The following HIRA variants were observed in gnomAD, a reference collection of about 807,000 sequenced individuals.
The protein encoded by HIRA is protein HIRA.
HIRA carries 13 observed loss-of-function variants against 126.6 expected under a neutral mutation model. The observed-to-expected ratio is 0.10, with a 90% CI of 0.07 to 0.16. The LOEUF (loss-of-function observed/expected upper bound fraction) is 0.16, where lower values mean the gene tolerates loss of function less well. Among genes scored for constraint, HIRA ranks in the 10% least tolerant of loss-of-function variants. The pLI, the probability that HIRA is intolerant of heterozygous loss-of-function variation, is 1.00. For missense variants in HIRA, 834 were observed against 1,314.4 expected, an observed-to-expected ratio of 0.63 and a Z score of 5.65; for synonymous variants, 511 against 520.0, an observed-to-expected ratio of 0.98 and a Z score of 0.24.
intron 1 of HIRA, chr22:19,430,036 T>C (rs2089518900): frequency 6.6e-6 from 1 of 152,248 alleles, no homozygotes; most frequent in Non-Finnish European, 1.5e-5. Flanking sequence ...TCGGCTTTCA[T>C]GCACAGTAAA....
intron 15 of HIRA, among the ~76,000 whole-genome samples, chr22:19,363,459 A>T (rs1168063706): frequency 1.3e-5 from 2 of 151,988 alleles, no homozygotes; most frequent in East Asian, 1.9e-4. Context: ...AAAAATAAGT[A>T]AATAAATAAA....
In HIRA at chr22:19,337,550, T is replaced by C. The variant is rs377447445; in HGVS notation, c.2938-5994A>G. 2.0e-5 allele frequency among the ~76,000 whole-genome samples: 3 copies of C among 152,192 alleles called. No homozygotes were observed. The South Asian group carries it at 6.2e-4, about 31-fold the overall frequency. On this transcript the variant is annotated intron_variant, in intron 24 of 24. Transcript: ENST00000263208. ...ACCTAAGAGTAAGAATAAATGGTGT[T>C]CCTAAGAAGAGAAATCTAAAAGTCT...
chr22:19,418,781 T>G (rs1399293222), intron 1 of HIRA, among the ~76,000 whole-genome samples: 1 of 152,092 alleles, frequency 6.6e-6, no homozygotes, highest in East Asian at 1.9e-4. Context: ...GGGAAATAAA[T>G]TTTAAAAAAT....
chr22:19,378,276 C>A (rs901567931), intron 13 of HIRA, among the ~76,000 whole-genome samples: 1 of 152,162 alleles, frequency 6.6e-6, no homozygotes. Flanking sequence ...ATATGTACTA[C>A]TAAGAAAGAA....
chr22:19,355,665 G>C (rs1355173323), intron 21 of HIRA, 95 bp downstream of exon 21: 1 of 828,068 alleles, frequency 1.2e-6, no homozygotes, highest in Non-Finnish European at 2.0e-6. Flanking sequence ...GGAAAAGCAG[G>C]GCTAGGCAGC....
rs565003272 is a variant in HIRA at position 19,335,854 on chromosome 22, T to A, written c.2938-4298A>T. Among the ~76,000 whole-genome samples, 141 of 152,346 alleles carry A rather than the reference T, an allele frequency of 9.3e-4. 1 individual carries two copies. Among genetic ancestry groups the A allele is most frequent in the Non-Finnish European group, 1.9e-3 (128 of 68,030 alleles). ...CCATATAAATTGTTGAATTAGCTTG[T>A]CAAGTTTCATTGAAACCTCTAGTGG... On this transcript the variant is annotated intron_variant, in intron 24 of 24. Coordinates refer to ENST00000263208, the MANE Select transcript of HIRA (RefSeq NM_003325.4).
chr22:19,351,196 G>C lies in HIRA; in HGVS notation c.2937+162C>G. 1 of 985,386 alleles carries C rather than the reference G, an allele frequency of 1.0e-6. No individual in the cohort carries two copies. 61.0% of individuals were successfully genotyped at this position (985,386 alleles called of 1,614,324 possible). A position where few individuals can be genotyped will look rare whatever the true frequency, so the allele number is the denominator to read the frequency against. On this transcript the variant is annotated intron_variant, in intron 24 of 24. Transcript: ENST00000263208. The surrounding 1 kb of genome is among the most constrained non-coding windows in gnomAD (Gnocchi z 4.8). ...GGCCCAGCTCCTGCCAGGTTGTGGAGGGCCGTCGGCATGTCACCCTCTCAC... is the reference window on the plus strand; with the variant it reads ...GGCCCAGCTCCTGCCAGGTTGTGGACGGCCGTCGGCATGTCACCCTCTCAC...
At chr22:19,390,601 CAAAAAAA>C (rs575050947) in intron 9 of HIRA, among the ~76,000 whole-genome samples, 118 of 38,344 alleles carry the variant, frequency 3.1e-3, no homozygotes, top group African/African-American at 6.4e-3. Context: ...GACTCTGTCT[CAAAAAAA>C]AAAAAAAAAA....
intron 24 of HIRA, among the ~76,000 whole-genome samples, chr22:19,332,042 A>C (rs1556004789): frequency 6.6e-6 from 1 of 152,218 alleles, no homozygotes; most frequent in Non-Finnish European, 1.5e-5. Flanking sequence ...CCTGATGTGG[A>C]GGATGTTCGG....
rs569412571 is a variant in HIRA, at chr22:19,360,217, A to C, written c.2086-733T>G. ...GCCGAGGGCTGACTGCCCCCTTCAC[A>C]GACCCAGAAATGACAGTCCCAAGCA... is the stretch of plus-strand genomic sequence containing the variant. On this transcript the variant is annotated intron_variant, in intron 17 of 24. Coordinates refer to ENST00000263208, the MANE Select transcript of HIRA (RefSeq NM_003325.4). Among the ~76,000 whole-genome samples, 236 of 152,196 alleles carry C rather than the reference A, an allele frequency of 1.6e-3. 1 individual carries two copies. The highest frequency in any genetic ancestry group is 5.6e-3 in the African/African-American group (233 of 41,542).
intron 1 of HIRA, among the ~76,000 whole-genome samples, chr22:19,412,882 CA>C (rs1306569242): frequency 1.3e-5 from 2 of 152,184 alleles, no homozygotes; most frequent in African/African-American, 4.8e-5. Flanking sequence ...AGTAAAGATA[CA>C]TAATCATACA....
chr22:19,357,054 G>A lies in HIRA; in HGVS notation c.2235-3C>T. On this transcript the variant is annotated splice_region_variant and splice_polypyrimidine_tract_variant and intron_variant, in intron 18 of 24. Transcript: ENST00000263208. Reference sequence around the variant, plus strand: ...CACAGGCGACACACACCACGTCACTGAGAAGGCAGAGTGGGGGCAGGTGTC... The same window carrying A: ...CACAGGCGACACACACCACGTCACTAAGAAGGCAGAGTGGGGGCAGGTGTC... 1.2e-6 allele frequency: 2 copies of A among 1,613,944 alleles called. No individual in the cohort carries two copies. Among genetic ancestry groups the A allele is most frequent in the Non-Finnish European group, 1.7e-6 (2 of 1,179,948 alleles).
Position 19,377,885 on chromosome 22 carries a change from A to G in HIRA, c.1597T>C (p.Ser533Pro). Residue 533 changes from serine to proline, a missense_variant, in exon 14 of 25, where the codon TCT becomes CCT. This residue lies in a region of HIRA where 468 missense variants were observed against 574.2 expected (regional missense o/e 0.82). Coordinates refer to ENST00000263208, the MANE Select transcript of HIRA (RefSeq NM_003325.4). ...VAASARPAGD[S>P]VNKDSMNATS... ...CCCACTAACCTGTCTTTATTGACAG[A>G]ATCGCCTGCAGGTCTGGCACTGGCA... 6.2e-7 allele frequency: 1 copy of G among 1,611,112 alleles called. No individual in the cohort carries two copies. The highest frequency in any genetic ancestry group is 1.7e-4 in the Middle Eastern group (1 of 5,920).
chr22:19,424,371 T>G (rs939918447), intron 1 of HIRA, among the ~76,000 whole-genome samples: 1 of 152,196 alleles, frequency 6.6e-6, no homozygotes, highest in Non-Finnish European at 1.5e-5. Flanking sequence ...CTTCTGCTTC[T>G]CACTGAAAAC....
chr22:19,351,091 C>T lies in HIRA; in HGVS notation c.2937+267G>A, dbSNP rs2088752052. 2.0e-6 allele frequency: 2 copies of T among 983,702 alleles called. No homozygotes were observed. Among genetic ancestry groups the T allele is most frequent in the Admixed American group, 6.2e-5 (1 of 16,256 alleles). 60.9% of individuals were successfully genotyped at this position (983,702 alleles called of 1,614,324 possible). On this transcript the variant is annotated intron_variant, in intron 24 of 24. Coordinates refer to ENST00000263208, the MANE Select transcript of HIRA (RefSeq NM_003325.4). This position sits in a 1 kb window ranked among gnomAD's most constrained non-coding sequence, Gnocchi z 4.8. ...AAGTACCTTCCGTCTTTTGTCTTCACAACCAAGCCCAGAGCCCCTGCAGGC... is the reference window on the plus strand; with the variant it reads ...AAGTACCTTCCGTCTTTTGTCTTCATAACCAAGCCCAGAGCCCCTGCAGGC...
chr22:19,424,150 G>A (rs898356511), intron 1 of HIRA, among the ~76,000 whole-genome samples: 1 of 152,178 alleles, frequency 6.6e-6, no homozygotes, highest in African/African-American at 2.4e-5. Context: ...CTGGGAAAAG[G>A]GCATGAGCAA....
At chr22:19,389,812 G>T (rs1179917274) in intron 9 of HIRA, among the ~76,000 whole-genome samples, 1 of 151,200 alleles carries the variant, frequency 6.6e-6, no homozygotes, top group Non-Finnish European at 1.5e-5. Context: ...GCAATCTGTG[G>T]TACTGTGGTT....
At chr22:19,407,493 T>A (rs1158156852) in intron 3 of HIRA, among the ~76,000 whole-genome samples, 1 of 152,226 alleles carries the variant, frequency 6.6e-6, no homozygotes, top group East Asian at 1.9e-4. Context: ...GGGAAAAATA[T>A]ACATTATCTG....
At chr22:19,429,718 A>G (rs1289826087) in intron 1 of HIRA, among the ~76,000 whole-genome samples, 1 of 152,232 alleles carries the variant, frequency 6.6e-6, no homozygotes, top group East Asian at 1.9e-4. Flanking sequence ...TTATGTTTAC[A>G]TAGCATAAAA....
Sources: allele counts gnomAD v4.1 joint callset (sites outside exome capture counted in the v4.1 genomes callset), GRCh38; gene constraint gnomAD v4.1.1; regional missense constraint gnomAD v4.1.1; non-coding constraint Gnocchi (gnomAD v3.1); transcripts MANE v1.5; gene names NCBI Gene and HGNC (gene_info 2026-07-23, HGNC 2026-07-21).